The following WDPCP variants were observed in gnomAD, a reference collection of about 807,000 sequenced individuals.
WDPCP encodes the protein WD repeat containing planar cell polarity effector, also known as WD repeat-containing and planar cell polarity effector protein fritz homolog.
A neutral mutation model predicts 93.1 loss-of-function variants in WDPCP; 71 were observed. The observed-to-expected ratio is 0.76, with a 90% CI of 0.63 to 0.93. The LOEUF (loss-of-function observed/expected upper bound fraction) is 0.93. WDPCP is among the 40% of genes least tolerant of loss of function. WDPCP has a pLI of 0.00. For missense variants in WDPCP, 844 were observed against 887.4 expected (o/e 0.95, Z 0.62); for synonymous variants, 315 against 315.0 (o/e 1.00, Z 0.00).
At chr2:63,622,874 G>C in intron 3 of WDPCP, 2 of 1,539,552 alleles carry the variant, frequency 1.3e-6, no homozygotes, top group Non-Finnish European at 1.8e-6. Flanking sequence ...AGCATCAGGG[G>C]TGCGGAGCCT....
At chr2:63,756,386 T>C (rs1013749694) in intron 2 of WDPCP, among the ~76,000 whole-genome samples, 1 of 152,222 alleles carries the variant, frequency 6.6e-6, no homozygotes, top group Non-Finnish European at 1.5e-5. Flanking sequence ...GTCCATCAGT[T>C]CTTTGTAATG....
At chr2:63,214,433 T>C (rs1248178432) in intron 14 of WDPCP, among the ~76,000 whole-genome samples, 1 of 152,220 alleles carries the variant, frequency 6.6e-6, no homozygotes, top group African/African-American at 2.4e-5. Context: ...TGCTTCACGC[T>C]AAAAACTCTC....
intron 1 of WDPCP, among the ~76,000 whole-genome samples, chr2:63,531,007 A>G (rs1239967137): frequency 2.6e-5 from 4 of 152,192 alleles, no homozygotes; most frequent in Admixed American, 6.5e-5. Context: ...TGCTTTTCCA[A>G]TGGTCTTGGC....
intron 12 of WDPCP, among the ~76,000 whole-genome samples, chr2:63,335,551 G>A (rs1659403390): frequency 1.3e-5 from 2 of 151,772 alleles, no homozygotes; most frequent in African/African-American, 4.8e-5. Flanking sequence ...AGCCTCCCAA[G>A]TAGCTGTGAT....
chr2:63,439,720 T>C (rs765300584), intron 7 of WDPCP, 37 bp downstream of exon 7: 4 of 1,568,624 alleles, frequency 2.6e-6, no homozygotes, highest in Non-Finnish European at 3.5e-6. Context: ...GCCCCACTGT[T>C]AATGTAGGCA....
chr2:63,767,724 T>G (rs1279574513), intron 2 of WDPCP, among the ~76,000 whole-genome samples: 1 of 152,132 alleles, frequency 6.6e-6, no homozygotes, highest in Non-Finnish European at 1.5e-5. Flanking sequence ...GAATTCTTTA[T>G]GTATTCTAGA....
chr2:63,191,238 A>C (rs1346020278), intron 14 of WDPCP, among the ~76,000 whole-genome samples: 1 of 152,056 alleles, frequency 6.6e-6, no homozygotes, highest in Non-Finnish European at 1.5e-5. Flanking sequence ...TAAAAATTAC[A>C]AATATTAGCC....
chr2:63,381,899 G>A lies in WDPCP; in HGVS notation c.1624+7C>T. The A allele has an allele frequency of 1.9e-6, 3 of 1,612,634 alleles. No homozygotes were observed. Among genetic ancestry groups the A allele is most frequent in the Non-Finnish European group, 2.5e-6 (3 of 1,179,164 alleles). On this transcript the variant is annotated splice_region_variant and intron_variant, in intron 11 of 17. Transcript: ENST00000272321. ...AACTCATCAATGAAAAATATTTCAA[G>A]TCTGACCTTCTCTCTCTGGAGTGAG...
At chr2:63,639,042 A>G (rs1222978466) in intron 3 of WDPCP, among the ~76,000 whole-genome samples, 2 of 152,370 alleles carry the variant, frequency 1.3e-5, no homozygotes, top group East Asian at 3.9e-4. Flanking sequence ...CAATTTCTTA[A>G]AAAACACAAT....
intron 1 of WDPCP, among the ~76,000 whole-genome samples, chr2:63,547,542 A>C (rs1705240569): frequency 7.1e-6 from 1 of 140,408 alleles, no homozygotes; most frequent in South Asian, 2.4e-4. Context: ...CAGATAAAGA[A>C]AATGTGGTAT....
At chr2:63,738,392 T>C (rs1441072135) in intron 2 of WDPCP, among the ~76,000 whole-genome samples, 1 of 151,998 alleles carries the variant, frequency 6.6e-6, no homozygotes, top group Non-Finnish European at 1.5e-5. Flanking sequence ...AGGGCTACTA[T>C]TGACATTTGC....
chr2:63,198,056 T>C (rs1434949704), intron 14 of WDPCP, among the ~76,000 whole-genome samples: 1 of 152,212 alleles, frequency 6.6e-6, no homozygotes, highest in Non-Finnish European at 1.5e-5. Flanking sequence ...ACCTTTGTTT[T>C]CTTCTAGTAC....
intron 12 of WDPCP, among the ~76,000 whole-genome samples, chr2:63,339,350 T>C (rs1405861586): frequency 6.6e-6 from 1 of 152,118 alleles, no homozygotes; most frequent in Non-Finnish European, 1.5e-5. Context: ...TTTTTGTATT[T>C]TTAGTAGAGA....
intron 1 of WDPCP, among the ~76,000 whole-genome samples, chr2:63,523,875 C>A (rs1442753453): frequency 6.6e-6 from 1 of 152,096 alleles, no homozygotes; most frequent in Non-Finnish European, 1.5e-5. Flanking sequence ...CGCACAATTG[C>A]ACTCCAGTCT....
the WDPCP span, among the ~76,000 whole-genome samples, chr2:63,838,127 C>A: frequency 6.6e-6 from 1 of 151,972 alleles, no homozygotes; most frequent in African/African-American, 2.4e-5. Context: ...GAGTAGGATA[C>A]AACACTGTGA....
At chr2:63,456,586 A>T (rs1698635861) in intron 6 of WDPCP, among the ~76,000 whole-genome samples, 1 of 152,224 alleles carries the variant, frequency 6.6e-6, no homozygotes, top group African/African-American at 2.4e-5. Flanking sequence ...TAAGCAATCT[A>T]ATGATAGACC....
At chr2:63,664,017 A>C (rs1444803389) in intron 2 of WDPCP, among the ~76,000 whole-genome samples, 1 of 152,174 alleles carries the variant, frequency 6.6e-6, no homozygotes, top group Non-Finnish European at 1.5e-5. Flanking sequence ...GAGAAAATAC[A>C]GTTTAGGGAA....
intron 1 of WDPCP, among the ~76,000 whole-genome samples, chr2:63,508,820 T>A (rs1360481773): frequency 6.6e-6 from 1 of 151,438 alleles, no homozygotes; most frequent in Non-Finnish European, 1.5e-5. Flanking sequence ...CCAACAAAGA[T>A]CAAAAAAGAC....
chr2:63,176,781 A>G (rs1673843692), intron 14 of WDPCP, among the ~76,000 whole-genome samples: 1 of 152,002 alleles, frequency 6.6e-6, no homozygotes, highest in African/African-American at 2.4e-5. Flanking sequence ...CCATTTGTCT[A>G]TTTTGCTTTT....
Sources: gnomAD v4.1 joint callset for allele counts (sites outside exome capture counted in the v4.1 genomes callset) on GRCh38, gnomAD v4.1.1 for gene constraint, MANE v1.5 for transcripts, NCBI Gene and HGNC (gene_info 2026-07-23, HGNC 2026-07-21) for gene names.